Variants in RALGDS observed in about 807,000 individuals in gnomAD.
RALGDS encodes the protein ral guanine nucleotide exchange factor.
A neutral mutation model predicts 99.8 loss-of-function variants in RALGDS; 44 were observed. The ratio of observed to expected loss-of-function variants is 0.44; its 90% CI spans 0.35 to 0.57. RALGDS has a LOEUF of 0.57. Ranked by LOEUF, RALGDS falls within the 20% of genes least tolerant of loss-of-function variation. The probability of loss-of-function intolerance (pLI) is 0.01; values close to 1 mark genes in which losing one functional copy is unlikely to be tolerated. For synonymous variants in RALGDS, 529 were observed against 505.0 expected (o/e 1.05, Z -0.64); for missense variants, 1,022 against 1,203.1 (o/e 0.85, Z 2.23).
chr9:133,103,845 G>A lies in RALGDS; in HGVS notation c.1672-12C>T, dbSNP rs202241973. 4.2e-4 allele frequency: 685 copies of A among 1,611,938 alleles called. 1 individual carries two copies. The African/African-American group carries it at 6.4e-3, about 15-fold the overall frequency. Reference sequence around the variant, plus strand: ...CCCTGGATGATGCCCTGTGACATTGGGGTAGGAGGATGAGCAAGGCCCCTC... The same window carrying A: ...CCCTGGATGATGCCCTGTGACATTGAGGTAGGAGGATGAGCAAGGCCCCTC... On this transcript the variant is annotated splice_polypyrimidine_tract_variant and intron_variant, in intron 10 of 17. Transcript: ENST00000372050.
intron 17 of RALGDS, 130 bp from the exon 18 acceptor site, chr9:133,098,892 G>C: frequency 1.2e-6 from 1 of 850,480 alleles, no homozygotes; most frequent in Non-Finnish European, 1.9e-6. Context: ...TACAGCTCCA[G>C]AACTCCAAGG....
intron 1 of RALGDS, among the ~76,000 whole-genome samples, chr9:133,119,637 T>C (rs1831808704): frequency 6.6e-6 from 1 of 151,868 alleles, no homozygotes; most frequent in Admixed American, 6.6e-5. Context: ...CCAGAGGTAA[T>C]GAAAGCCAGA....
At chr9:133,133,326 C>G (rs1832375204), upstream of RALGDS, among the ~76,000 whole-genome samples, 2 of 152,214 alleles carry the variant, frequency 1.3e-5, 1 homozygote, top group South Asian at 4.1e-4. Context: ...AGGAGCAGCA[C>G]CAGCTGCCAC....
intron 1 of RALGDS, among the ~76,000 whole-genome samples, chr9:133,145,381 A>AC (rs1273458207): frequency 2.2e-5 from 2 of 90,508 alleles, no homozygotes; most frequent in Admixed American, 1.1e-4. Context: ...TGTTACCCCC[A>AC]CCCCCCGCCC....
At chr9:133,099,637 CACATATATACATACATAT>C (rs1287032040) in intron 17 of RALGDS, 1 of 6,642 alleles carries the variant, frequency 1.5e-4, no homozygotes, top group Non-Finnish European at 6.6e-4. Context: ...CATATATATA[CACATATATACATACATAT>C]ACACATATAT....
intron 1 of RALGDS, among the ~76,000 whole-genome samples, chr9:133,119,738 G>C (rs1318458735): frequency 1.3e-5 from 2 of 151,964 alleles, no homozygotes; most frequent in Non-Finnish European, 2.9e-5. Context: ...GGATAGATGA[G>C]GGTTGAGGGA....
intron 5 of RALGDS, 70 bp from the exon 6 acceptor site, chr9:133,108,476 C>A: frequency 6.8e-7 from 1 of 1,477,172 alleles, no homozygotes; most frequent in Non-Finnish European, 9.1e-7. Flanking sequence ...AGAACAGCCC[C>A]GGCTTCCAGA....
At chr9:133,101,174 A>T (rs951490770) in intron 16 of RALGDS, 3 of 1,199,180 alleles carry the variant, frequency 2.5e-6, no homozygotes, top group Non-Finnish European at 3.2e-6. Context: ...CACCAGACAG[A>T]GAAGCCAGCC....
At chr9:133,104,414 C>T (rs1830915800) in intron 9 of RALGDS, 83 bp from the exon 10 acceptor site, 7 of 1,318,008 alleles carry the variant, frequency 5.3e-6, no homozygotes, top group South Asian at 3.5e-5. Flanking sequence ...CCAGTGTGGT[C>T]GGGTTCCAGG....
chr9:133,137,283 T>C (rs1458619155), intron 1 of RALGDS, among the ~76,000 whole-genome samples: 4 of 152,348 alleles, frequency 2.6e-5, no homozygotes, highest in Non-Finnish European at 5.9e-5. Flanking sequence ...ATGCCCCCCA[T>C]GGCGGGGAGT....
chr9:133,121,837 G>C (rs1329764064), upstream of RALGDS, among the ~76,000 whole-genome samples: 1 of 152,242 alleles, frequency 6.6e-6, no homozygotes, highest in African/African-American at 2.4e-5. Context: ...AGTTTGGAGA[G>C]GCTGACCATG....
At chr9:133,100,631 T>C in intron 16 of RALGDS, 1 of 1,382,954 alleles carries the variant, frequency 7.2e-7, no homozygotes, top group Non-Finnish European at 9.4e-7. Flanking sequence ...GTGCCTACCC[T>C]GCTTCTCCTG....
upstream of RALGDS, among the ~76,000 whole-genome samples, chr9:133,125,773 C>T (rs1486259050): frequency 1.3e-5 from 2 of 152,266 alleles, no homozygotes; most frequent in South Asian, 4.1e-4. Flanking sequence ...GAGACTCACC[C>T]TCTGATGCCT....
At chr9:133,130,639 A>AACC (rs200447257) in intron 1 of RALGDS, among the ~76,000 whole-genome samples, 15 of 152,136 alleles carry the variant, frequency 9.9e-5, no homozygotes, top group African/African-American at 3.6e-4. Context: ...AGTTGTAAAC[A>AACC]ACCACCACCA....
At chr9:133,109,578 T>C (rs1171695002) in intron 4 of RALGDS, 48 bp downstream of exon 4, 2 of 1,522,302 alleles carry the variant, frequency 1.3e-6, no homozygotes, top group Admixed American at 1.7e-5. Flanking sequence ...ACTCTCCCAC[T>C]GTTCGGTGGG....
chr9:133,107,875 A>T, intron 6 of RALGDS, 113 bp downstream of exon 6: 5 of 1,365,004 alleles, frequency 3.7e-6, no homozygotes, highest in Non-Finnish European at 5.1e-6. Flanking sequence ...GTGTAGCAGC[A>T]GAGCTGGGAT....
intron 6 of RALGDS, among the ~76,000 whole-genome samples, 172 bp downstream of exon 6, chr9:133,107,816 C>T (rs922214351): frequency 2.0e-5 from 3 of 152,254 alleles, no homozygotes; most frequent in African/African-American, 4.8e-5. Context: ...CTCTACTGTC[C>T]AGAGGTAAAC....
intron 9 of RALGDS, among the ~76,000 whole-genome samples, chr9:133,105,540 T>G (rs1830974416): frequency 6.6e-6 from 1 of 151,666 alleles, no homozygotes; most frequent in Non-Finnish European, 1.5e-5. Flanking sequence ...CAGACAGAGG[T>G]AGCGTCAGGA....
At chr9:133,115,633 C>A (rs2119190796) in intron 1 of RALGDS, among the ~76,000 whole-genome samples, 1 of 152,346 alleles carries the variant, frequency 6.6e-6, no homozygotes. Flanking sequence ...CTGTCACAGG[C>A]AACAGTGGGG....
Sources: gnomAD v4.1 joint callset for allele counts (sites outside exome capture counted in the v4.1 genomes callset) on GRCh38, gnomAD v4.1.1 for gene constraint, MANE v1.5 for transcripts, NCBI Gene and HGNC (gene_info 2026-07-23, HGNC 2026-07-21) for gene names.